Variants in CHSY3 observed in about 807,000 individuals in gnomAD.
CHSY3 encodes the protein chondroitin sulfate synthase 3.
CHSY3 carries 35 observed loss-of-function variants against 67.2 expected under a neutral mutation model. The observed-to-expected ratio is 0.52, with a 90% CI of 0.40 to 0.69. CHSY3 has a LOEUF of 0.69. Ranked by LOEUF, CHSY3 falls within the 30% of genes least tolerant of loss-of-function variation. CHSY3 has a pLI of 0.00. For missense variants in CHSY3, 1,069 were observed against 1,138.5 expected (o/e 0.94, Z 0.88); for synonymous variants, 474 against 434.7 (o/e 1.09, Z -1.12).
At position 129,938,657 on chromosome 5, in the gene CHSY3, G is replaced by A. The variant is rs190736598; in HGVS notation, c.1086+30297G>A. ...AGTTCCACAGCTATCTAGAGTAGGG[G>A]CACAATGTCACCAGTCTCTTTGCTA... On this transcript the variant is annotated intron_variant, in intron 2 of 2. Transcript: ENST00000305031. Among the ~76,000 whole-genome samples, 28 of 152,284 alleles carry A rather than the reference G, an allele frequency of 1.8e-4. No homozygotes were observed. In the East Asian group the frequency reaches 5.2e-3, roughly 28 times the overall value.
chr5:129,915,464 AAAT>A (rs1359344262), intron 2 of CHSY3, among the ~76,000 whole-genome samples: 3 of 152,200 alleles, frequency 2.0e-5, no homozygotes, highest in Non-Finnish European at 4.4e-5. Context: ...AACTGAATCA[AAAT>A]AATGTGTTTA....
At position 129,908,282 on chromosome 5, in the gene CHSY3, G is replaced by A. The variant is rs748841233; in HGVS notation, c.1008G>A (p.Met336Ile). ...ATATTGGTGAATGCCTTAGAGAAAT[G>A]TACACGACTCATGAGGATGTGGAAG... Reference protein sequence around the residue: ...VPHIGECLREMYTTHEDVEVG... With the variant: ...VPHIGECLREIYTTHEDVEVG... The change falls in exon 2 of 3, where the codon ATG becomes ATA. Residue 336 changes from methionine (M) to isoleucine (I), a missense_variant. Physicochemically the swap from Met to Ile is conservative, Grantham distance 10. Transcript: ENST00000305031. 1 of 1,614,086 alleles carries A rather than the reference G, an allele frequency of 6.2e-7. No individual in the cohort carries two copies.
intron 2 of CHSY3, among the ~76,000 whole-genome samples, chr5:129,921,110 G>A (rs1410597071): frequency 1.3e-5 from 2 of 152,134 alleles, no homozygotes; most frequent in Non-Finnish European, 2.9e-5. Flanking sequence ...GTGAACCATC[G>A]TGCATAGCCG....
chr5:129,904,895 C>A lies in CHSY3; in HGVS notation c.66C>A (p.Ala22=). The change falls in exon 1 of 3, where the codon GCC becomes GCA. Residue 22 remains alanine (A), a synonymous_variant. Transcript: ENST00000305031. ...VALGLVLGFT[A]ASWLIAPRVA... ...TAGGGCTGGTGCTGGGCTTCACCGC[C>A]GCGTCCTGGCTCATCGCCCCCAGGG... 1 of 1,525,668 alleles carries A rather than the reference C, an allele frequency of 6.6e-7. No homozygotes were observed. The highest frequency in any genetic ancestry group is 1.2e-5 in the South Asian group (1 of 82,556). The allele number at this position is 1,525,668 out of a possible 1,614,324, so 94.5% of individuals were successfully genotyped here.
chr5:130,109,800 A>G (rs1026420049), intron 2 of CHSY3, among the ~76,000 whole-genome samples: 36 of 151,768 alleles, frequency 2.4e-4, no homozygotes, highest in Non-Finnish European at 4.9e-4. Context: ...ACTTGCCCAG[A>G]GCTGGATATT....
rs1760241524 is a variant in CHSY3, at chr5:129,905,444, C to T, written c.615C>T (p.Phe205=). The T allele has an allele frequency of 1.9e-6, 3 of 1,612,098 alleles. No homozygotes were observed. The highest frequency in any genetic ancestry group is 2.2e-5 in the East Asian group (1 of 44,844). The change falls in exon 1 of 3, where the codon TTC becomes TTT. Residue 205 remains phenylalanine, a synonymous_variant. Transcript: ENST00000305031. ...GTTTCATCCCGGGCCGCGTGGAGTT[C>T]TTTTCCAGCCAGCAGCCCCCCAACG... ...WARFIPGRVE[F]FSSQQPPNAG...
At chr5:129,920,795 T>C (rs867646907) in intron 2 of CHSY3, among the ~76,000 whole-genome samples, 121 of 152,150 alleles carry the variant, frequency 8.0e-4, no homozygotes, top group African/African-American at 2.8e-3. Flanking sequence ...ACATTAGACC[T>C]TAGCAACCCC....
At chr5:130,163,362 T>C (rs956661843) in intron 2 of CHSY3, among the ~76,000 whole-genome samples, 1 of 152,186 alleles carries the variant, frequency 6.6e-6, no homozygotes, top group Non-Finnish European at 1.5e-5. Flanking sequence ...AGTAATTGTT[T>C]GTTTTGGCAA....
At chr5:129,957,113 C>G (rs1286520581) in intron 2 of CHSY3, among the ~76,000 whole-genome samples, 1 of 152,004 alleles carries the variant, frequency 6.6e-6, no homozygotes, top group Non-Finnish European at 1.5e-5. Context: ...AATGTTTTTC[C>G]ATTTGTTCGT....
At position 130,185,833 on chromosome 5, in the gene CHSY3, C is replaced by G; in HGVS notation, c.*42C>G. The G allele has an allele frequency of 7.8e-7, 1 of 1,277,870 alleles. No homozygotes were observed. The highest frequency in any genetic ancestry group is 1.1e-6 in the Non-Finnish European group (1 of 940,486). 79.2% of individuals were successfully genotyped at this position (1,277,870 alleles called of 1,614,324 possible). A position where few individuals can be genotyped will look rare whatever the true frequency, so the allele number is the denominator to read the frequency against. ...TTTTGCCTTTTTTAAGGGGAGTTTA[C>G]CTCATTGTTGGTTGTTGTTATTTTT... On this transcript the variant is annotated 3_prime_UTR_variant, in exon 3 of 3. Coordinates refer to ENST00000305031, the MANE Select transcript of CHSY3 (RefSeq NM_175856.5).
intron 2 of CHSY3, among the ~76,000 whole-genome samples, chr5:130,078,893 A>T (rs1766360528): frequency 6.6e-6 from 1 of 152,154 alleles, no homozygotes; most frequent in African/African-American, 2.4e-5. Context: ...ATCCATTGCT[A>T]CATGTCTATT....
chr5:130,183,056 A>G (rs1241383671), intron 2 of CHSY3, among the ~76,000 whole-genome samples: 1 of 151,634 alleles, frequency 6.6e-6, no homozygotes, highest in Non-Finnish European at 1.5e-5. Context: ...TCATCAGTAT[A>G]TTTGCAGACA....
At chr5:130,112,471 T>G (rs932510125) in intron 2 of CHSY3, among the ~76,000 whole-genome samples, 1 of 152,130 alleles carries the variant, frequency 6.6e-6, no homozygotes, top group African/African-American at 2.4e-5. Flanking sequence ...TTTCTGCTGC[T>G]TCTGCTGGTG....
intron 2 of CHSY3, among the ~76,000 whole-genome samples, chr5:130,022,233 G>T (rs1764413381): frequency 6.6e-6 from 1 of 151,962 alleles, no homozygotes; most frequent in Non-Finnish European, 1.5e-5. Context: ...GTTTACCATG[G>T]CAATTATTGA....
chr5:130,015,881 T>A (rs1580651322), intron 2 of CHSY3, among the ~76,000 whole-genome samples: 1 of 152,094 alleles, frequency 6.6e-6, no homozygotes, highest in Admixed American at 6.6e-5. Context: ...GTATATATAC[T>A]CCACGGAATA....
Position 129,936,808 on chromosome 5 carries a change from T to A in CHSY3, c.1086+28448T>A, listed in dbSNP as rs115092428. On this transcript the variant is annotated intron_variant, in intron 2 of 2. Transcript: ENST00000305031. ...ACAAGGTCTTAAACTACCATTCCCA[T>A]TCATGTTGCCCTGCATTCTGGCCAT... Among the ~76,000 whole-genome samples, 581 of 152,300 alleles carry A rather than the reference T, an allele frequency of 3.8e-3. 8 individuals are homozygous for A. Among genetic ancestry groups the A allele is most frequent in the African/African-American group, 0.013 (546 of 41,570 alleles).
At chr5:130,154,557 A>T (rs1393376449) in intron 2 of CHSY3, among the ~76,000 whole-genome samples, 1 of 152,172 alleles carries the variant, frequency 6.6e-6, no homozygotes, top group Non-Finnish European at 1.5e-5. Context: ...CGTTGTGATT[A>T]TTCATTTGCG....
intron 2 of CHSY3, among the ~76,000 whole-genome samples, chr5:130,030,159 AT>A (rs1764665100): frequency 6.6e-6 from 1 of 152,046 alleles, no homozygotes; most frequent in African/African-American, 2.4e-5. Flanking sequence ...TTTAACCACA[AT>A]TTGAATTATC....
At chr5:130,178,129 T>C (rs941424979) in intron 2 of CHSY3, among the ~76,000 whole-genome samples, 5 of 146,854 alleles carry the variant, frequency 3.4e-5, no homozygotes, top group Admixed American at 1.4e-4. Context: ...TAAACATGGA[T>C]AAATATGGAT....
Sources: gnomAD v4.1 joint callset for allele counts (sites outside exome capture counted in the v4.1 genomes callset) on GRCh38, gnomAD v4.1.1 for gene constraint, MANE v1.5 for transcripts, NCBI Gene and HGNC (gene_info 2026-07-23, HGNC 2026-07-21) for gene names.